RBFOX1: variants seen among roughly 807,000 people sequenced by gnomAD.
The protein encoded by RBFOX1 is RNA binding protein fox-1 homolog 1.
Under a neutral mutation model 57.7 loss-of-function variants are expected in RBFOX1, and 8 were observed. That is an observed-to-expected ratio of 0.14 (90% CI 0.08 to 0.25). RBFOX1 has a LOEUF of 0.25. RBFOX1 is among the 10% of genes least tolerant of loss of function. The pLI is 1.00. For missense variants in RBFOX1, 611 were observed against 548.5 expected (o/e 1.11, Z -1.14); for synonymous variants, 326 against 222.4 (o/e 1.47, Z -4.15).
intron 2 of RBFOX1, among the ~76,000 whole-genome samples, chr16:6,458,129 A>G (rs1393923335): frequency 1.3e-5 from 2 of 152,200 alleles, no homozygotes; most frequent in East Asian, 1.9e-4. Context: ...AAATTTTGCA[A>G]TTGGATTTCC....
rs117992223 is a variant in RBFOX1 at position 6,121,884 on chromosome 16, A to C, written c.-127+101892A>C. On this transcript the variant is annotated intron_variant, in intron 1 of 15. Transcript: ENST00000550418. ...GTAAAATGCCTAAGACAGAGTTAGT[A>C]GTCAATGACTCTTTTTGTTATTTTA... Among the ~76,000 whole-genome samples the C allele has an allele frequency of 1.4e-3, 219 of 152,276 alleles. 4 individuals are homozygous for C. In the East Asian group the frequency reaches 0.038, roughly 27 times the overall value.
intron 1 of RBFOX1, among the ~76,000 whole-genome samples, chr16:5,363,731 G>T (rs1284492052): frequency 3.3e-5 from 5 of 152,164 alleles, no homozygotes; most frequent in Admixed American, 3.3e-4. Flanking sequence ...CAGTGTCCTT[G>T]GGTTGGGGAC....
At chr16:5,992,617 A>G (rs527260361) in intron 4 of RBFOX1, among the ~76,000 whole-genome samples, 2 of 152,260 alleles carry the variant, frequency 1.3e-5, no homozygotes, top group South Asian at 2.1e-4. Context: ...ATGAGAAACT[A>G]ATATTTTCTG....
intron 1 of RBFOX1, among the ~76,000 whole-genome samples, chr16:5,455,765 A>T (rs2068611788): frequency 6.6e-6 from 1 of 152,182 alleles, no homozygotes; most frequent in African/African-American, 2.4e-5. Flanking sequence ...CATGGACACA[A>T]TACTGACCAA....
chr16:7,046,063 G>T (rs891290719), intron 3 of RBFOX1, among the ~76,000 whole-genome samples: 1 of 152,112 alleles, frequency 6.6e-6, no homozygotes, highest in Non-Finnish European at 1.5e-5. Context: ...AATACTTGCT[G>T]ATTATAAATG....
intron 3 of RBFOX1, among the ~76,000 whole-genome samples, chr16:6,818,409 G>C (rs192239804): frequency 6.6e-6 from 1 of 151,916 alleles, no homozygotes; most frequent in Non-Finnish European, 1.5e-5. Context: ...TTCATCTGAC[G>C]TACAGATCCA....
intron 3 of RBFOX1, among the ~76,000 whole-genome samples, chr16:7,050,951 A>G (rs989385313): frequency 2.6e-5 from 4 of 152,122 alleles, no homozygotes; most frequent in Non-Finnish European, 5.9e-5. Context: ...GTGCATCCTT[A>G]AGTAAATATT....
intron 3 of RBFOX1, among the ~76,000 whole-genome samples, chr16:5,619,787 C>A (rs987700816): frequency 6.6e-6 from 1 of 152,146 alleles, no homozygotes; most frequent in African/African-American, 2.4e-5. Context: ...TCACCTCTCT[C>A]TTCCATGTCC....
chr16:7,372,972 C>T (rs563392874), intron 4 of RBFOX1, among the ~76,000 whole-genome samples: 1 of 151,104 alleles, frequency 6.6e-6, no homozygotes, highest in East Asian at 2.0e-4. Context: ...TGCTCTGTTG[C>T]CCAGGCTGGA....
intron 4 of RBFOX1, among the ~76,000 whole-genome samples, chr16:7,360,064 A>T (rs944268346): frequency 6.6e-6 from 1 of 152,212 alleles, no homozygotes; most frequent in Non-Finnish European, 1.5e-5. Context: ...GTCTTTCTAT[A>T]GTTGAAACAA....
chr16:6,150,286 AT>A (rs2096788524), intron 1 of RBFOX1, among the ~76,000 whole-genome samples: 1 of 152,074 alleles, frequency 6.6e-6, no homozygotes, highest in African/African-American at 2.4e-5. Flanking sequence ...GTTTACCCAG[AT>A]TGTTATGACT....
chr16:6,039,997 C>T (rs1439353830), intron 1 of RBFOX1, among the ~76,000 whole-genome samples: 2 of 152,130 alleles, frequency 1.3e-5, no homozygotes, highest in Non-Finnish European at 2.9e-5. Context: ...CAGCTTTTGT[C>T]CTTTAGAGCA....
intron 4 of RBFOX1, among the ~76,000 whole-genome samples, chr16:7,313,485 T>TA (rs1473763277): frequency 6.6e-6 from 1 of 151,078 alleles, no homozygotes; most frequent in Non-Finnish European, 1.5e-5. Context: ...CTTTTTTTTT[T>TA]TAAGGCTCTT....
intron 4 of RBFOX1, among the ~76,000 whole-genome samples, chr16:7,165,963 C>T (rs28556692): frequency 0.019 from 1,447 of 76,098 alleles, 8 homozygotes; most frequent in Non-Finnish European, 0.023. Flanking sequence ...CACACACACA[C>T]ACATACATAC....
At chr16:6,112,947 T>C (rs2152579942) in intron 1 of RBFOX1, among the ~76,000 whole-genome samples, 1 of 152,306 alleles carries the variant, frequency 6.6e-6, no homozygotes, top group East Asian at 1.9e-4. Flanking sequence ...TTTAACTTCA[T>C]TTGGGCCTAG....
At chr16:6,533,295 T>G (rs920861257) in intron 2 of RBFOX1, among the ~76,000 whole-genome samples, 1 of 152,204 alleles carries the variant, frequency 6.6e-6, no homozygotes, top group Admixed American at 6.5e-5. Flanking sequence ...TGAATGCTTT[T>G]GGGGAGAATG....
In RBFOX1 at chr16:5,919,125, G is replaced by C. The variant is rs576390012; in HGVS notation, c.351+51790G>C. Among the ~76,000 whole-genome samples the C allele has an allele frequency of 8.2e-4, 125 of 152,172 alleles. 2 individuals carry two copies. The highest frequency in any genetic ancestry group is 7.5e-3 in the South Asian group (36 of 4,808). Reference sequence around the variant, plus strand: ...CATAGGTACCTGGAAAATTGGTTGTGGTGTTTATACTTCTTATCCTGATAT... The same window carrying C: ...CATAGGTACCTGGAAAATTGGTTGTCGTGTTTATACTTCTTATCCTGATAT... On this transcript the variant is annotated intron_variant, in intron 4 of 19. Coordinates refer to the RBFOX1 transcript ENST00000641259.
chr16:6,256,196 T>TAC (rs2097662884), intron 1 of RBFOX1, among the ~76,000 whole-genome samples: 7 of 19,416 alleles, frequency 3.6e-4, no homozygotes, highest in African/African-American at 5.7e-4. Context: ...CGTATATATA[T>TAC]GTATATGTAT....
At chr16:6,148,449 C>T (rs2096774721) in intron 1 of RBFOX1, among the ~76,000 whole-genome samples, 1 of 152,368 alleles carries the variant, frequency 6.6e-6, no homozygotes, top group East Asian at 1.9e-4. Context: ...TCTGCTCCCA[C>T]CTCCTGGAAC....
Sources: gnomAD v4.1 joint callset for allele counts (sites outside exome capture counted in the v4.1 genomes callset) on GRCh38, gnomAD v4.1.1 for gene constraint, MANE v1.5 for transcripts, NCBI Gene and HGNC (gene_info 2026-07-23, HGNC 2026-07-21) for gene names.